The following OXCT1 variants were observed in gnomAD, a reference collection of about 807,000 sequenced individuals.
The protein encoded by OXCT1 is succinyl-CoA:3-ketoacid coenzyme A transferase 1, mitochondrial.
Under a neutral mutation model 69.6 loss-of-function variants are expected in OXCT1, and 27 were observed. The observed-to-expected ratio is 0.39, with a 90% CI of 0.29 to 0.54. OXCT1 has a LOEUF of 0.54. Among genes scored for constraint, OXCT1 ranks in the 20% least tolerant of loss-of-function variants. OXCT1 has a pLI of 0.72. For missense variants in OXCT1, 437 were observed against 650.2 expected (o/e 0.67, Z 3.57); for synonymous variants, 202 against 217.8 (o/e 0.93, Z 0.64).
intron 3 of OXCT1, among the ~76,000 whole-genome samples, chr5:41,860,486 A>T (rs1231774922): frequency 6.6e-6 from 1 of 152,178 alleles, no homozygotes; most frequent in Non-Finnish European, 1.5e-5. Context: ...GATAGACAGG[A>T]AAGAGGAGGG....
At chr5:41,745,583 A>G (rs1056954633) in intron 15 of OXCT1, among the ~76,000 whole-genome samples, 11 of 152,162 alleles carry the variant, frequency 7.2e-5, no homozygotes, top group Non-Finnish European at 1.5e-4. Flanking sequence ...GACACAAAAA[A>G]CCCTTCAAAA....
chr5:41,769,720 C>T (rs781221499), intron 13 of OXCT1, among the ~76,000 whole-genome samples: 9 of 151,698 alleles, frequency 5.9e-5, no homozygotes, highest in Non-Finnish European at 1.2e-4. Context: ...AACCGTGACT[C>T]AAGTAAAAAA....
chr5:41,749,373 T>A (rs1257487797), intron 15 of OXCT1, among the ~76,000 whole-genome samples, 154 bp downstream of exon 15: 2 of 152,078 alleles, frequency 1.3e-5, no homozygotes, highest in African/African-American at 4.8e-5. Flanking sequence ...GAATTCTACA[T>A]TTAGAAACAT....
intron 11 of OXCT1, among the ~76,000 whole-genome samples, chr5:41,796,167 G>A (rs1746172416): frequency 6.6e-6 from 1 of 152,026 alleles, no homozygotes; most frequent in African/African-American, 2.4e-5. Flanking sequence ...GTTCAGAGCT[G>A]GAAAAGATTT....
chr5:41,749,132 T>C (rs1247459932), intron 15 of OXCT1, among the ~76,000 whole-genome samples: 1 of 152,108 alleles, frequency 6.6e-6, no homozygotes, highest in Non-Finnish European at 1.5e-5. Flanking sequence ...CTGAAACAAT[T>C]AAAAACCCAA....
intron 14 of OXCT1, among the ~76,000 whole-genome samples, chr5:41,754,992 A>T (rs1486997258): frequency 6.6e-6 from 1 of 152,048 alleles, no homozygotes; most frequent in Admixed American, 6.6e-5. Context: ...AAAAATCATT[A>T]TCATAGACAT....
chr5:41,741,138 G>T (rs1561354263), intron 15 of OXCT1, among the ~76,000 whole-genome samples: 1 of 152,032 alleles, frequency 6.6e-6, no homozygotes, highest in Non-Finnish European at 1.5e-5. Flanking sequence ...TTTTAGTAGA[G>T]ATGAGGTTTT....
intron 13 of OXCT1, among the ~76,000 whole-genome samples, chr5:41,789,554 T>C (rs1745813526): frequency 6.6e-6 from 1 of 152,242 alleles, no homozygotes; most frequent in Non-Finnish European, 1.5e-5. Context: ...AGTGATATAC[T>C]ACATGATCAA....
chr5:41,772,727 T>C (rs1744934388), intron 13 of OXCT1, among the ~76,000 whole-genome samples: 1 of 152,216 alleles, frequency 6.6e-6, no homozygotes, highest in Non-Finnish European at 1.5e-5. Flanking sequence ...GATAACTCTG[T>C]GTTGGAGTCT....
intron 1 of OXCT1, among the ~76,000 whole-genome samples, chr5:41,863,009 C>T (rs1749813769): frequency 6.6e-6 from 1 of 151,992 alleles, no homozygotes. Context: ...TGAGGTCTGT[C>T]ACCCCAGGAA....
At chr5:41,756,756 A>G (rs1446787576) in intron 14 of OXCT1, among the ~76,000 whole-genome samples, 3 of 152,074 alleles carry the variant, frequency 2.0e-5, no homozygotes, top group African/African-American at 7.2e-5. Context: ...TGTATATAAT[A>G]AGGTAGTCAA....
chr5:41,742,284 G>A (rs528177237), intron 15 of OXCT1, among the ~76,000 whole-genome samples: 2 of 152,068 alleles, frequency 1.3e-5, no homozygotes, highest in African/African-American at 4.8e-5. Context: ...AGTGATATAA[G>A]GTGCAAACAA....
At chr5:41,814,503 A>G (rs1747136089) in intron 7 of OXCT1, among the ~76,000 whole-genome samples, 1 of 152,128 alleles carries the variant, frequency 6.6e-6, no homozygotes, top group Non-Finnish European at 1.5e-5. Context: ...AGACTGGATT[A>G]AGAAAATGTA....
intron 3 of OXCT1, among the ~76,000 whole-genome samples, chr5:41,856,385 G>A (rs1159462879): frequency 1.3e-5 from 2 of 152,108 alleles, no homozygotes; most frequent in South Asian, 2.1e-4. Context: ...CACTAGTGAC[G>A]CCTACTTACT....
Position 41,762,720 on chromosome 5 carries a change from C to T in OXCT1, c.1249-520G>A, listed in dbSNP as rs575056651. Among the ~76,000 whole-genome samples, 2 of 152,118 alleles carry T rather than the reference C, an allele frequency of 1.3e-5. No individual in the cohort carries two copies. The highest frequency in any genetic ancestry group is 2.4e-5 in the African/African-American group (1 of 41,444). ...GAAAGGTGGCTCTGTCTTTCTAACACTTGGCATTTATCTTGCGCTTAGAAA... is the reference window on the plus strand; with the variant it reads ...GAAAGGTGGCTCTGTCTTTCTAACATTTGGCATTTATCTTGCGCTTAGAAA... On this transcript the variant is annotated intron_variant, in intron 13 of 16. Coordinates refer to ENST00000196371, the MANE Select transcript of OXCT1 (RefSeq NM_000436.4). This position sits in a 1 kb window ranked among gnomAD's most constrained non-coding sequence, Gnocchi z 4.0.
chr5:41,853,147 T>A (rs940698935), intron 4 of OXCT1, among the ~76,000 whole-genome samples: 2 of 152,202 alleles, frequency 1.3e-5, no homozygotes, highest in African/African-American at 2.4e-5. Flanking sequence ...AATCCTTTTG[T>A]ATGCTTCTGG....
At chr5:41,739,749 T>C (rs1208674086) in intron 15 of OXCT1, 2 of 368,388 alleles carry the variant, frequency 5.4e-6, no homozygotes, top group Non-Finnish European at 1.0e-5. Context: ...CAGGCACCTG[T>C]AGTCCCAGCT....
chr5:41,811,589 G>T lies in OXCT1; in HGVS notation c.733-4151C>A, dbSNP rs183535489. Among the ~76,000 whole-genome samples, 38 of 152,038 alleles carry T rather than the reference G, an allele frequency of 2.5e-4. No individual in the cohort carries two copies. In the South Asian group the frequency reaches 3.7e-3, roughly 15 times the overall value. The stretch of plus-strand genomic sequence containing the variant: ...TTAGGCTTCATGCTAAGGAATGATA[G>T]GACCAGTACAAAAACACAGAAAAAA... On this transcript the variant is annotated intron_variant, in intron 7 of 16. Transcript: ENST00000196371.
chr5:41,794,781 G>C, intron 11 of OXCT1, 32 bp from the exon 12 acceptor site: 1 of 1,602,502 alleles, frequency 6.2e-7, no homozygotes, highest in Non-Finnish European at 8.5e-7. Flanking sequence ...AGAAAGAAAA[G>C]GCTATTAGAT....
Sources: allele counts gnomAD v4.1 joint callset (sites outside exome capture counted in the v4.1 genomes callset), GRCh38; gene constraint gnomAD v4.1.1; non-coding constraint Gnocchi (gnomAD v3.1); transcripts MANE v1.5; gene names NCBI Gene and HGNC (gene_info 2026-07-23, HGNC 2026-07-21).